Variants in CTNNBL1 observed in about 807,000 individuals in gnomAD.
CTNNBL1 encodes the protein catenin beta like 1.
In CTNNBL1, 31 loss-of-function variants were observed where a neutral mutation model predicts 72.7. That is an observed-to-expected ratio of 0.43 (90% CI 0.32 to 0.58). CTNNBL1 has a LOEUF of 0.58. CTNNBL1 is among the 20% of genes least tolerant of loss of function. The probability of loss-of-function intolerance (pLI) is 0.08; values close to 1 mark genes in which losing one functional copy is unlikely to be tolerated. For synonymous variants in CTNNBL1, 240 were observed against 267.3 expected, an observed-to-expected ratio of 0.90 and a Z score of 1.00; for missense variants, 534 against 725.1, an observed-to-expected ratio of 0.74 and a Z score of 3.03.
At chr20:37,717,033 CATG>C in intron 1 of CTNNBL1, among the ~76,000 whole-genome samples, 1 of 152,322 alleles carries the variant, frequency 6.6e-6, no homozygotes, top group East Asian at 1.9e-4. Context: ...GTTTCTCACA[CATG>C]ATCCGGTTCT....
chr20:37,795,299 C>G (rs960367721), intron 10 of CTNNBL1, among the ~76,000 whole-genome samples: 1 of 151,960 alleles, frequency 6.6e-6, no homozygotes, highest in African/African-American at 2.4e-5. Flanking sequence ...CAGGCATGCA[C>G]CACTGTGCCC....
At chr20:37,830,913 A>C (rs929996815) in intron 11 of CTNNBL1, among the ~76,000 whole-genome samples, 9 of 152,252 alleles carry the variant, frequency 5.9e-5, no homozygotes, top group African/African-American at 1.9e-4. Flanking sequence ...TACGGTTTCT[A>C]CTGAGTGCAT....
chr20:37,725,259 C>T (rs1014298446), intron 1 of CTNNBL1, among the ~76,000 whole-genome samples: 20 of 151,890 alleles, frequency 1.3e-4, no homozygotes, highest in African/African-American at 4.8e-4. Flanking sequence ...AAAAACCTAA[C>T]TATTAATGGT....
At chr20:37,721,514 C>T (rs570230292) in intron 1 of CTNNBL1, among the ~76,000 whole-genome samples, 1 of 152,140 alleles carries the variant, frequency 6.6e-6, no homozygotes, top group Non-Finnish European at 1.5e-5. Flanking sequence ...GGTGGTACCC[C>T]CCTACCTTTT....
chr20:37,708,167 A>G (rs2072905629), intron 1 of CTNNBL1, among the ~76,000 whole-genome samples: 2 of 152,142 alleles, frequency 1.3e-5, no homozygotes, highest in African/African-American at 4.8e-5. Flanking sequence ...ATGATTTTGG[A>G]AAAATGGCAG....
intron 9 of CTNNBL1, 31 bp downstream of exon 9, chr20:37,777,743 T>G (rs752110424): frequency 6.2e-7 from 1 of 1,605,268 alleles, no homozygotes; most frequent in Non-Finnish European, 8.5e-7. Context: ...CTGTCTGCTG[T>G]AAGATACATG....
chr20:37,867,436 G>A (rs990249540), intron 15 of CTNNBL1, among the ~76,000 whole-genome samples: 9 of 151,826 alleles, frequency 5.9e-5, no homozygotes, highest in Admixed American at 3.3e-4. Flanking sequence ...AACATAAACA[G>A]AACAGCTTGT....
rs1433158922 is a variant in CTNNBL1 at position 37,840,146 on chromosome 20, G to A, written c.1258G>A (p.Gly420Arg). 6.2e-7 allele frequency: 1 copy of A among 1,613,942 alleles called. No individual in the cohort carries two copies. The highest frequency in any genetic ancestry group is 1.7e-5 in the Admixed American group (1 of 60,008). The change falls in exon 12 of 16, where the codon GGG (glycine) becomes AGG (arginine). Residue 420 changes from glycine (G) to arginine (R), a missense_variant. Physicochemically the swap from Gly to Arg is moderately radical, Grantham distance 125. Coordinates refer to ENST00000361383, the MANE Select transcript of CTNNBL1 (RefSeq NM_030877.5). ...ILASLLRNLR[G>R]QQRTRLLNKF... The stretch of plus-strand genomic sequence containing the variant: ...GGCTTCCCTCCTGCGGAACCTGAGA[G>A]GGCAGCAGCGGACCCGGCTTCTGAA...
intron 11 of CTNNBL1, among the ~76,000 whole-genome samples, chr20:37,816,646 TC>T (rs2072062013): frequency 6.6e-6 from 1 of 152,210 alleles, no homozygotes; most frequent in Non-Finnish European, 1.5e-5. Context: ...TTTTCCCGTC[TC>T]TTCTACATTT....
chr20:37,810,403 A>G (rs1464741766), intron 11 of CTNNBL1, among the ~76,000 whole-genome samples: 4 of 152,208 alleles, frequency 2.6e-5, no homozygotes, highest in South Asian at 2.1e-4. Context: ...ACCAGACTAC[A>G]TTAATCCCTT....
chr20:37,804,320 A>G (rs1485601294), intron 11 of CTNNBL1, among the ~76,000 whole-genome samples: 1 of 152,170 alleles, frequency 6.6e-6, no homozygotes, highest in Non-Finnish European at 1.5e-5. Context: ...GTCAACATTT[A>G]GTGAAAGCCT....
chr20:37,808,283 C>G (rs2071977988), intron 11 of CTNNBL1, among the ~76,000 whole-genome samples: 1 of 152,184 alleles, frequency 6.6e-6, no homozygotes, highest in African/African-American at 2.4e-5. Context: ...GTGTATCTTC[C>G]TAACAGTGAG....
At chr20:37,719,964 C>T (rs899347430) in intron 1 of CTNNBL1, among the ~76,000 whole-genome samples, 7 of 151,692 alleles carry the variant, frequency 4.6e-5, no homozygotes, top group Non-Finnish European at 1.0e-4. Context: ...TCTCAGCCTT[C>T]TGAGTAGCTG....
In CTNNBL1 at chr20:37,803,060, T is replaced by G; in HGVS notation, c.1213+12T>G. ...GAAGGAACATGAAGGTAGGGTTCAC[T>G]GGAGGAGTCAGCCTAATTTAGGTGC... On this transcript the variant is annotated intron_variant, in intron 11 of 15. Coordinates refer to ENST00000361383, the MANE Select transcript of CTNNBL1 (RefSeq NM_030877.5). 6.2e-7 allele frequency: 1 copy of G among 1,610,446 alleles called. No individual in the cohort carries two copies. Among genetic ancestry groups the G allele is most frequent in the Non-Finnish European group, 8.5e-7 (1 of 1,177,654 alleles).
chr20:37,842,687 C>T (rs1292774220), intron 13 of CTNNBL1, among the ~76,000 whole-genome samples: 1 of 152,190 alleles, frequency 6.6e-6, no homozygotes, highest in Non-Finnish European at 1.5e-5. Context: ...AAGAGCTTCT[C>T]TTCGAAAATC....
intron 7 of CTNNBL1, 137 bp from the exon 8 acceptor site, chr20:37,777,208 T>C (rs922871784): frequency 6.1e-6 from 4 of 660,590 alleles, no homozygotes; most frequent in East Asian, 2.7e-5. Flanking sequence ...GAGGCAGACG[T>C]TTTTACCCTT....
intron 1 of CTNNBL1, among the ~76,000 whole-genome samples, chr20:37,715,943 A>G (rs1336435125): frequency 1.3e-5 from 2 of 152,112 alleles, no homozygotes; most frequent in African/African-American, 2.4e-5. Flanking sequence ...ACATTCCTTT[A>G]TCAGAAAGTA....
In CTNNBL1 at chr20:37,860,275, C is replaced by T. The variant is rs763375470; in HGVS notation, c.1534C>T (p.Arg512Cys). 20 of 1,613,644 alleles carry T rather than the reference C, an allele frequency of 1.2e-5. No individual in the cohort carries two copies. The highest frequency in any genetic ancestry group is 1.4e-5 in the Non-Finnish European group (17 of 1,179,704). Residue 512 changes from arginine to cysteine, a missense_variant, in exon 15 of 16, where the codon CGC becomes TGC. Physicochemically the swap from Arg to Cys is radical, Grantham distance 180. Transcript: ENST00000361383. ...TACCCATTTTTTCCCTTATTAGATT[C>T]GCCAGAGGGTTCACCAGATCCTAAA... ...EICNANVPQI[R>C]QRVHQILNMR...
chr20:37,768,187 C>T (rs1302311560), intron 7 of CTNNBL1, 143 bp downstream of exon 7: 7 of 595,774 alleles, frequency 1.2e-5, no homozygotes, highest in African/African-American at 7.5e-5. Flanking sequence ...CTTTCTTCTC[C>T]GTTTTTGTTC....
Sources: allele counts gnomAD v4.1 joint callset (sites outside exome capture counted in the v4.1 genomes callset), GRCh38; gene constraint gnomAD v4.1.1; transcripts MANE v1.5; gene names NCBI Gene and HGNC (gene_info 2026-07-23, HGNC 2026-07-21).